PROM1: variants seen among roughly 807,000 people sequenced by gnomAD.
The protein encoded by PROM1 is prominin-1.
A neutral mutation model predicts 116.9 loss-of-function variants in PROM1; 105 were observed. The ratio of observed to expected loss-of-function variants is 0.90; its 90% CI spans 0.77 to 1.06. PROM1 has a LOEUF of 1.06. PROM1 is among the 50% of genes least tolerant of loss of function. The pLI, the probability that PROM1 is intolerant of heterozygous loss-of-function variation, is 0.00. For synonymous variants in PROM1, 393 were observed against 387.0 expected, an observed-to-expected ratio of 1.02 and a Z score of -0.18; for missense variants, 1,122 against 1,045.2, an observed-to-expected ratio of 1.07 and a Z score of -1.01.
At chr4:16,052,140 C>T (rs1560577408) in intron 2 of PROM1, among the ~76,000 whole-genome samples, 1 of 152,172 alleles carries the variant, frequency 6.6e-6, no homozygotes, top group Non-Finnish European at 1.5e-5. Context: ...AAAAGGAATG[C>T]TTTGTGAGAG....
chr4:16,035,585 T>C, intron 4 of PROM1, 150 bp downstream of exon 4: 1 of 795,654 alleles, frequency 1.3e-6, no homozygotes, highest in Non-Finnish European at 2.1e-6. Flanking sequence ...ATGTAAATAT[T>C]ACAGAGATAT....
intron 2 of PROM1, among the ~76,000 whole-genome samples, chr4:16,073,740 A>G (rs1743330742): frequency 6.6e-6 from 1 of 152,232 alleles, no homozygotes; most frequent in South Asian, 2.1e-4. Context: ...TTAGGATTAC[A>G]ATTCTTCAGT....
intron 2 of PROM1, among the ~76,000 whole-genome samples, chr4:16,071,878 G>A (rs1229786201): frequency 1.3e-5 from 2 of 152,200 alleles, no homozygotes; most frequent in East Asian, 3.9e-4. Context: ...CTCTCTACCT[G>A]GAACACCCTG....
At chr4:15,995,723 C>T (rs184603013) in intron 15 of PROM1, among the ~76,000 whole-genome samples, 169 of 152,284 alleles carry the variant, frequency 1.1e-3, no homozygotes, top group African/African-American at 3.8e-3. Flanking sequence ...CACTAACCTA[C>T]TAAGATCAGC....
chr4:15,979,217 C>T (rs76265201), intron 26 of PROM1, among the ~76,000 whole-genome samples, 178 bp downstream of exon 26: 3,028 of 152,240 alleles, frequency 0.02, 53 homozygotes, highest in Non-Finnish European at 0.03. Flanking sequence ...ATCGACTGAA[C>T]ATTTAAACTC....
intron 1 of PROM1, among the ~76,000 whole-genome samples, chr4:16,078,715 A>G (rs1034352949): frequency 6.6e-6 from 1 of 152,224 alleles, no homozygotes; most frequent in African/African-American, 2.4e-5. Context: ...AAGGTGACAT[A>G]CTTTGCAAGA....
intron 26 of PROM1, chr4:15,976,062 A>G: frequency 2.5e-6 from 1 of 405,034 alleles, no homozygotes; most frequent in East Asian, 7.2e-5. Context: ...TCACAGGTGT[A>G]TGAAGTGCTA....
At chr4:16,003,643 C>T (rs1724458744) in intron 13 of PROM1, among the ~76,000 whole-genome samples, 1 of 152,160 alleles carries the variant, frequency 6.6e-6, no homozygotes, top group Admixed American at 6.5e-5. Context: ...CCACTGCATC[C>T]TATTCAGCTG....
At chr4:16,032,678 A>G (rs567921820) in intron 5 of PROM1, among the ~76,000 whole-genome samples, 7 of 152,342 alleles carry the variant, frequency 4.6e-5, no homozygotes, top group African/African-American at 1.7e-4. Flanking sequence ...AAAAAACGTC[A>G]TCTTAAAAGC....
intron 10 of PROM1, 64 bp downstream of exon 10, chr4:16,016,102 T>C: frequency 7.3e-7 from 1 of 1,369,638 alleles, no homozygotes; most frequent in Non-Finnish European, 1.0e-6. Flanking sequence ...CCTATTTTCT[T>C]ATGTACTAGT....
intron 2 of PROM1, among the ~76,000 whole-genome samples, chr4:16,049,735 T>C (rs11930899): frequency 0.019 from 2,896 of 151,390 alleles, 101 homozygotes; most frequent in African/African-American, 0.067. Context: ...ATATATAAGA[T>C]ATGTATATAT....
chr4:15,978,832 G>A (rs1716927410), intron 26 of PROM1, among the ~76,000 whole-genome samples: 1 of 152,162 alleles, frequency 6.6e-6, no homozygotes, highest in Admixed American at 6.5e-5. Context: ...GAAGAGGACC[G>A]ACCTCTGGCA....
At chr4:16,049,840 G>A (rs1355069291) in intron 2 of PROM1, among the ~76,000 whole-genome samples, 1 of 152,072 alleles carries the variant, frequency 6.6e-6, no homozygotes, top group South Asian at 2.1e-4. Context: ...TTCAGCTTCA[G>A]CATTGTCTCA....
rs532378472 is a variant in PROM1, at chr4:16,001,952, A to G, written c.1455-1333T>C. Reference sequence around the variant, plus strand: ...TGATCCATTTTATCAGGATCAGGGAAAGGAATGGGATTGAGAATATAGCTG... The same window carrying G: ...TGATCCATTTTATCAGGATCAGGGAGAGGAATGGGATTGAGAATATAGCTG... On this transcript the variant is annotated intron_variant, in intron 13 of 27. Coordinates refer to ENST00000447510, the MANE Select transcript of PROM1 (RefSeq NM_006017.3). Among the ~76,000 whole-genome samples, 3 of 152,302 alleles carry G rather than the reference A, an allele frequency of 2.0e-5. No homozygotes were observed. In the East Asian group the frequency reaches 5.8e-4, roughly 29 times the overall value.
intron 2 of PROM1, among the ~76,000 whole-genome samples, chr4:16,040,154 AG>A (rs1477669091): frequency 1.3e-5 from 2 of 152,210 alleles, no homozygotes; most frequent in Non-Finnish European, 2.9e-5. Flanking sequence ...GATGCAAAAA[AG>A]TTCAGATTAA....
chr4:15,972,840 G>GA (rs1482944466), intron 26 of PROM1, among the ~76,000 whole-genome samples: 1 of 152,160 alleles, frequency 6.6e-6, no homozygotes, highest in Admixed American at 6.5e-5. Flanking sequence ...CAGTACTTTT[G>GA]AGTCAGTCTG....
chr4:16,067,133 G>A (rs1421357506), intron 2 of PROM1, among the ~76,000 whole-genome samples: 1 of 152,182 alleles, frequency 6.6e-6, no homozygotes. Context: ...GACGTCAAAT[G>A]AAATCTATAC....
chr4:16,017,508 C>G (rs145787385), intron 9 of PROM1, among the ~76,000 whole-genome samples: 2 of 152,280 alleles, frequency 1.3e-5, no homozygotes, highest in Non-Finnish European at 2.9e-5. Flanking sequence ...TGTATCTATA[C>G]TAAAATGTTA....
Position 15,984,291 on chromosome 4 carries a change from A to G in PROM1, c.2345T>C (p.Phe782Ser). The change falls in exon 23 of 28, where the codon TTT becomes TCT. Residue 782 changes from phenylalanine to serine, a missense_variant. By Grantham distance (155) the Phe-to-Ser change is radical (BLOSUM62 -2). Coordinates refer to ENST00000447510, the MANE Select transcript of PROM1 (RefSeq NM_006017.3). ...GGGGTCGATAATGTAGCTACACAGA[A>G]AGACATCAACAGCAGTATCTAGAGC... ...ATALDTAVDV[F>S]LCSYIIDPLN... 1.2e-6 allele frequency: 2 copies of G among 1,608,200 alleles called. No homozygotes were observed. Among genetic ancestry groups the G allele is most frequent in the Non-Finnish European group, 1.7e-6 (2 of 1,176,358 alleles).
Sources: allele counts gnomAD v4.1 joint callset (sites outside exome capture counted in the v4.1 genomes callset), GRCh38; gene constraint gnomAD v4.1.1; transcripts MANE v1.5; gene names NCBI Gene and HGNC (gene_info 2026-07-23, HGNC 2026-07-21).